Variants in STOX2 observed in about 807,000 individuals in gnomAD.
STOX2 encodes the protein storkhead box 2, also known as storkhead-box protein 2.
Under a neutral mutation model 60.9 loss-of-function variants are expected in STOX2, and 28 were observed. The ratio of observed to expected loss-of-function variants is 0.46; its 90% CI spans 0.34 to 0.63. STOX2 has a LOEUF of 0.63. Ranked by LOEUF, STOX2 falls within the 30% of genes least tolerant of loss-of-function variation. STOX2 has a pLI of 0.01. For synonymous variants in STOX2, 472 were observed against 463.9 expected, an observed-to-expected ratio of 1.02 and a Z score of -0.22; for missense variants, 1,024 against 1,187.7, an observed-to-expected ratio of 0.86 and a Z score of 2.03.
intron 1 of STOX2, among the ~76,000 whole-genome samples, chr4:183,843,773 C>A (rs1739923008): frequency 6.6e-6 from 1 of 152,202 alleles, no homozygotes; most frequent in African/African-American, 2.4e-5. Flanking sequence ...AAGGTAATAC[C>A]ATGAAAGAAC....
Position 184,022,991 on chromosome 4 carries a change from G to C in STOX2, c.*5707G>C, listed in dbSNP as rs913462613. 1 of 152,128 alleles carries C rather than the reference G, an allele frequency of 6.6e-6. No homozygotes were observed. Among genetic ancestry groups the C allele is most frequent in the Non-Finnish European group, 1.5e-5 (1 of 68,022 alleles). The allele number at this position is 152,128 out of a possible 1,614,324, so 9.4% of individuals were successfully genotyped here. ...TTCTAGAAGAGAATTAAATTTAAAC[G>C]TCAAGTTTAAAGGGATCATAATTCT... On this transcript the variant is annotated 3_prime_UTR_variant, in exon 4 of 4. Coordinates refer to ENST00000308497, the MANE Select transcript of STOX2 (RefSeq NM_020225.3).
At chr4:183,827,930 A>T (rs1007092865) in intron 1 of STOX2, among the ~76,000 whole-genome samples, 1 of 151,762 alleles carries the variant, frequency 6.6e-6, no homozygotes, top group Non-Finnish European at 1.5e-5. Flanking sequence ...CCCCAGTATA[A>T]CCTCAATGCC....
chr4:184,009,878 C>A lies in STOX2; in HGVS notation c.1040C>A (p.Ala347Asp). 6.2e-7 allele frequency: 1 copy of A among 1,611,812 alleles called. No individual in the cohort carries two copies. Among genetic ancestry groups the A allele is most frequent in the Non-Finnish European group, 8.5e-7 (1 of 1,178,974 alleles). ...GAAGAAAAGGCCCAGAGGAGTAAAG[C>A]CGGGTCCTCTGCCCATCACAGCGGA... ...LEEEKAQRSK[A>D]GSSAHHSGRS... Residue 347 changes from alanine to aspartate, a missense_variant, in exon 3 of 4, where the codon GCC becomes GAC. Physicochemically the swap from Ala to Asp is moderately radical, Grantham distance 126. This residue lies in a region of STOX2 where 922 missense variants were observed against 1,058.3 expected (regional missense o/e 0.87). Transcript: ENST00000308497. The surrounding 1 kb of genome is among the most constrained non-coding windows in gnomAD (Gnocchi z 4.0).
chr4:183,813,051 C>T (rs1266525144), intron 1 of STOX2, among the ~76,000 whole-genome samples: 1 of 152,100 alleles, frequency 6.6e-6, no homozygotes, highest in Non-Finnish European at 1.5e-5. Context: ...CAGATTCAGC[C>T]AATGGCAGAT....
rs79551981 is a variant in STOX2, at chr4:184,013,474, T to C, written c.2585+2051T>C. Reference sequence around the variant, plus strand: ...AACCTTCACACAATAGCCGCATGTCTCCCCACTAATATTAAGTAGAATTTT... The same window carrying C: ...AACCTTCACACAATAGCCGCATGTCCCCCCACTAATATTAAGTAGAATTTT... On this transcript the variant is annotated intron_variant, in intron 3 of 3. Transcript: ENST00000308497. Among the ~76,000 whole-genome samples the C allele has an allele frequency of 2.9e-3, 438 of 152,328 alleles. 1 individual carries two copies. Among genetic ancestry groups the C allele is most frequent in the African/African-American group, 0.01 (420 of 41,576 alleles).
intron 2 of STOX2, among the ~76,000 whole-genome samples, chr4:184,005,471 A>AC (rs1349414006): frequency 1.9e-5 from 2 of 105,000 alleles, no homozygotes. Context: ...AAAAAAAAAA[A>AC]AAAAATTCAT....
chr4:183,862,155 A>G (rs1490122874), intron 1 of STOX2, among the ~76,000 whole-genome samples: 5 of 142,652 alleles, frequency 3.5e-5, no homozygotes, highest in Non-Finnish European at 7.7e-5. Context: ...GATAACGTTA[A>G]GTGTTTGTTG....
intron 1 of STOX2, among the ~76,000 whole-genome samples, chr4:183,919,120 G>T (rs532499227): frequency 2.0e-5 from 3 of 152,188 alleles, no homozygotes; most frequent in Non-Finnish European, 4.4e-5. Flanking sequence ...ACAAGTATTG[G>T]CTTTCTTTAG....
chr4:184,002,534 G>C (rs933708453), intron 2 of STOX2, among the ~76,000 whole-genome samples: 2 of 152,182 alleles, frequency 1.3e-5, no homozygotes, highest in Non-Finnish European at 2.9e-5. Flanking sequence ...TGAGCCAGGT[G>C]GGGCCCAGCA....
chr4:183,802,109 C>A (rs1004778712), intron 1 of STOX2, among the ~76,000 whole-genome samples: 2 of 152,184 alleles, frequency 1.3e-5, no homozygotes, highest in Admixed American at 1.3e-4. Context: ...CGTGCTCCCC[C>A]TCCAGACCTC....
At chr4:183,959,123 C>T (rs560302189) in intron 1 of STOX2, among the ~76,000 whole-genome samples, 8 of 152,210 alleles carry the variant, frequency 5.3e-5, no homozygotes, top group African/African-American at 1.9e-4. Flanking sequence ...GACCTCTCCC[C>T]TCAGCTGTAA....
intron 2 of STOX2, among the ~76,000 whole-genome samples, chr4:184,008,915 T>A (rs1182083956): frequency 6.6e-6 from 1 of 152,220 alleles, no homozygotes; most frequent in Non-Finnish European, 1.5e-5. Flanking sequence ...GCAACCTGAC[T>A]CCACCTAACT....
intron 1 of STOX2, among the ~76,000 whole-genome samples, chr4:183,947,279 G>A (rs368652246): frequency 7.2e-5 from 11 of 151,970 alleles, no homozygotes; most frequent in African/African-American, 2.2e-4. Flanking sequence ...TTGCTTAATC[G>A]TTAGTTTTGA....
At chr4:183,807,934 C>T (rs1738943989) in intron 1 of STOX2, among the ~76,000 whole-genome samples, 2 of 152,198 alleles carry the variant, frequency 1.3e-5, no homozygotes, top group African/African-American at 4.8e-5. Context: ...ATTTATCTAC[C>T]CAACAGGCCT....
rs1201631198 is a variant in STOX2, at chr4:184,018,865, T to A, written c.*1581T>A. The A allele has an allele frequency of 6.6e-6, 1 of 152,264 alleles. No individual in the cohort carries two copies. The highest frequency in any genetic ancestry group is 1.9e-4 in the East Asian group (1 of 5,208). The allele number at this position is 152,264 out of a possible 1,614,324, so 9.4% of individuals were successfully genotyped here. ...TTACATATGACACAAGTAAGTGTTC[T>A]GACATAAAGTTTTATTTAGTTCAGT... On this transcript the variant is annotated 3_prime_UTR_variant, in exon 4 of 4. Coordinates refer to ENST00000308497, the MANE Select transcript of STOX2 (RefSeq NM_020225.3).
chr4:183,821,662 C>T lies in STOX2; in HGVS notation c.364+23607C>T, dbSNP rs543746787. 1.2e-4 allele frequency among the ~76,000 whole-genome samples: 19 copies of T among 152,274 alleles called. No individual in the cohort carries two copies. Among genetic ancestry groups the T allele is most frequent in the East Asian group, 3.9e-4 (2 of 5,168 alleles). ...TGAGGGTTGGCAGTGTGTCCTCTTC[C>T]GGAACTGCAGGGTGCTGTCCCCACT... is the stretch of plus-strand genomic sequence containing the variant. On this transcript the variant is annotated intron_variant, in intron 1 of 2. Transcript: ENST00000513034. This position sits in a 1 kb window ranked among gnomAD's most constrained non-coding sequence, Gnocchi z 4.2.
At chr4:183,973,791 C>T (rs764027534) in intron 1 of STOX2, among the ~76,000 whole-genome samples, 3 of 152,180 alleles carry the variant, frequency 2.0e-5, no homozygotes, top group Non-Finnish European at 2.9e-5. Flanking sequence ...GTGAAGAGAT[C>T]GAGACCATCC....
At chr4:184,006,004 G>A (rs1384255760) in intron 2 of STOX2, among the ~76,000 whole-genome samples, 1 of 152,066 alleles carries the variant, frequency 6.6e-6, no homozygotes, top group Non-Finnish European at 1.5e-5. Flanking sequence ...TCCTTCATTT[G>A]AGAACTACTA....
intron 1 of STOX2, among the ~76,000 whole-genome samples, chr4:183,891,486 T>A (rs1324872072): frequency 6.6e-6 from 1 of 150,496 alleles, no homozygotes; most frequent in East Asian, 1.9e-4. Context: ...AGACTATTAT[T>A]CTAAGTGAAG....
Sources: gnomAD v4.1 joint callset for allele counts (sites outside exome capture counted in the v4.1 genomes callset) on GRCh38, gnomAD v4.1.1 for gene constraint, gnomAD v4.1.1 regional missense constraint, Gnocchi (gnomAD v3.1) non-coding constraint, MANE v1.5 for transcripts, NCBI Gene and HGNC (gene_info 2026-07-23, HGNC 2026-07-21) for gene names.